EDC3: variants seen among roughly 807,000 people sequenced by gnomAD.
The protein encoded by EDC3 is enhancer of mRNA decapping 3.
EDC3 carries 20 observed loss-of-function variants against 41.8 expected under a neutral mutation model. The observed-to-expected ratio is 0.48, with a 90% confidence interval of 0.34 to 0.70. The LOEUF is 0.70. EDC3 is among the 30% of genes least tolerant of loss of function. EDC3 has a pLI of 0.01. For missense variants in EDC3, 444 were observed against 636.8 expected (o/e 0.70, Z 3.26); for synonymous variants, 206 against 243.2 (o/e 0.85, Z 1.42).
In EDC3 at chr15:74,677,501, C is replaced by T. The variant is rs575245909; in HGVS notation, c.-18-2359G>A. Among the ~76,000 whole-genome samples the T allele has an allele frequency of 3.3e-5, 5 of 151,762 alleles. No homozygotes were observed. The South Asian group carries it at 8.3e-4, about 25-fold the overall frequency. ...GCCTCAGCCTTCCAAGTAGTTGGGA[C>T]TACAGACACGTGCCACCACACCCAG... On this transcript the variant is annotated intron_variant, in intron 1 of 6. Coordinates refer to ENST00000315127, the MANE Select transcript of EDC3 (RefSeq NM_025083.5).
intron 2 of EDC3, among the ~76,000 whole-genome samples, chr15:74,673,697 G>A (rs983767779): frequency 4.6e-5 from 7 of 151,938 alleles, no homozygotes; most frequent in Non-Finnish European, 8.8e-5. Context: ...AAAATTAGTC[G>A]GGCATGGTGG....
chr15:74,694,213 T>C (rs1312220674), intron 1 of EDC3, among the ~76,000 whole-genome samples: 2 of 152,182 alleles, frequency 1.3e-5, no homozygotes, highest in Admixed American at 6.5e-5. Context: ...TTAAACATTT[T>C]CTAATGTTGT....
rs573725579 is a variant in EDC3, at chr15:74,646,032, G to A, written c.821-5413C>T. 1.3e-4 allele frequency among the ~76,000 whole-genome samples: 19 copies of A among 151,172 alleles called. 1 individual carries two copies. The South Asian group carries it at 3.3e-3, about 27-fold the overall frequency. On this transcript the variant is annotated intron_variant, in intron 4 of 6. Coordinates refer to ENST00000315127, the MANE Select transcript of EDC3 (RefSeq NM_025083.5). Reference sequence around the variant, plus strand: ...TAAAACGAGTAGAAATACAGAGACCGTTCCCAGTCTTTTTGTTGTTGTTGT... The same window carrying A: ...TAAAACGAGTAGAAATACAGAGACCATTCCCAGTCTTTTTGTTGTTGTTGT...
rs200844071 is a variant in EDC3 at position 74,668,729 on chromosome 15, T to A, written c.484+2726A>T. Among the ~76,000 whole-genome samples, 93 of 140,350 alleles carry A rather than the reference T, an allele frequency of 6.6e-4. 1 individual carries two copies. The highest frequency in any genetic ancestry group is 1.8e-3 in the African/African-American group (65 of 36,142). The allele number at this position is 140,350 out of a possible 152,430, so 92.1% of individuals were successfully genotyped here. ...AGCAAGACCCTGTCTCAAAAATGAA[T>A]GAAAGAAAGAAAGAAAGAAAGAAAG... is the stretch of plus-strand genomic sequence containing the variant. On this transcript the variant is annotated intron_variant, in intron 3 of 6. Coordinates refer to ENST00000315127, the MANE Select transcript of EDC3 (RefSeq NM_025083.5).
chr15:74,659,677 C>G (rs576510505), intron 3 of EDC3, among the ~76,000 whole-genome samples: 2 of 151,082 alleles, frequency 1.3e-5, no homozygotes, highest in South Asian at 4.2e-4. Flanking sequence ...TTGAGACCAG[C>G]TTGGGCAACA....
Position 74,630,847 on chromosome 15 carries a change from T to C in EDC3, c.*1765A>G, listed in dbSNP as rs2062194562. 6.6e-6 allele frequency: 1 copy of C among 152,406 alleles called. No individual in the cohort carries two copies. 9.4% of individuals were successfully genotyped at this position (152,406 alleles called of 1,614,324 possible). On this transcript the variant is annotated 3_prime_UTR_variant, in exon 7 of 7. Coordinates refer to ENST00000315127, the MANE Select transcript of EDC3 (RefSeq NM_025083.5). ...CCTGCAAGGCTATCATCCCTGGATC[T>C]TGCTGGAGTGGACAGTCTTCTGGGC...
intron 6 of EDC3, 178 bp downstream of exon 6, chr15:74,635,231 A>G: frequency 1.4e-6 from 1 of 711,738 alleles, no homozygotes; most frequent in Non-Finnish European, 2.5e-6. Flanking sequence ...GTAGTTGGAG[A>G]GGGAGAAGCA....
At chr15:74,687,715 A>G (rs770910828) in intron 1 of EDC3, among the ~76,000 whole-genome samples, 16 of 152,182 alleles carry the variant, frequency 1.1e-4, no homozygotes, top group African/African-American at 3.1e-4. Flanking sequence ...AACAATAATG[A>G]TGATGGTAAA....
At chr15:74,693,711 C>T (rs1260424308) in intron 1 of EDC3, among the ~76,000 whole-genome samples, 5 of 152,112 alleles carry the variant, frequency 3.3e-5, no homozygotes, top group South Asian at 2.1e-4. Context: ...AGACCAGGCG[C>T]GGTGGCTCAC....
At chr15:74,650,082 G>T (rs1267705583) in intron 4 of EDC3, among the ~76,000 whole-genome samples, 1 of 152,018 alleles carries the variant, frequency 6.6e-6, no homozygotes, top group African/African-American at 2.4e-5. Context: ...TAAATCCCTA[G>T]TATGTAAACT....
chr15:74,676,775 AC>A (rs1377882537), intron 1 of EDC3, among the ~76,000 whole-genome samples: 3 of 152,238 alleles, frequency 2.0e-5, no homozygotes, highest in African/African-American at 7.2e-5. Context: ...TTAAAACTCA[AC>A]AATAAGAAAA....
intron 3 of EDC3, among the ~76,000 whole-genome samples, chr15:74,661,375 T>C (rs1488843914): frequency 1.3e-5 from 2 of 152,190 alleles, no homozygotes; most frequent in Non-Finnish European, 2.9e-5. Flanking sequence ...CTGCAAACTA[T>C]AGCTCATGGG....
chr15:74,676,179 G>T (rs775770431), intron 1 of EDC3, among the ~76,000 whole-genome samples: 1 of 152,038 alleles, frequency 6.6e-6, no homozygotes, highest in Non-Finnish European at 1.5e-5. Context: ...AATCAAAAGG[G>T]CAGTCAGAAA....
At chr15:74,666,482 T>G (rs1446449189) in intron 3 of EDC3, among the ~76,000 whole-genome samples, 1 of 152,162 alleles carries the variant, frequency 6.6e-6, no homozygotes, top group Non-Finnish European at 1.5e-5. Context: ...CAAATTGATA[T>G]ATCCACACAA....
At chr15:74,657,473 C>A (rs1463583857) in intron 3 of EDC3, among the ~76,000 whole-genome samples, 1 of 152,236 alleles carries the variant, frequency 6.6e-6, no homozygotes, top group African/African-American at 2.4e-5. Context: ...CTCGCACACT[C>A]CCTTCTGCAA....
At chr15:74,666,086 C>A (rs990756286) in intron 3 of EDC3, among the ~76,000 whole-genome samples, 3 of 152,134 alleles carry the variant, frequency 2.0e-5, no homozygotes, top group African/African-American at 7.2e-5. Context: ...GCATAAGCCA[C>A]CACACCCGGC....
intron 1 of EDC3, among the ~76,000 whole-genome samples, chr15:74,686,557 G>A (rs1315793455): frequency 6.6e-6 from 1 of 151,994 alleles, no homozygotes; most frequent in African/African-American, 2.4e-5. Context: ...GGCCGAGGCA[G>A]GTGGATCACC....
intron 3 of EDC3, among the ~76,000 whole-genome samples, chr15:74,670,618 C>T (rs1210126537): frequency 2.0e-5 from 3 of 151,940 alleles, no homozygotes; most frequent in Non-Finnish European, 4.4e-5. Context: ...TTAGCAGAGA[C>T]GAGGTTTCAA....
chr15:74,691,762 T>A (rs1261825411), intron 1 of EDC3, among the ~76,000 whole-genome samples: 1 of 152,110 alleles, frequency 6.6e-6, no homozygotes, highest in African/African-American at 2.4e-5. Context: ...CCAATAAAGT[T>A]TTATTGGAAC....
Sources: allele counts gnomAD v4.1 joint callset (sites outside exome capture counted in the v4.1 genomes callset), GRCh38; gene constraint gnomAD v4.1.1; transcripts MANE v1.5; gene names NCBI Gene and HGNC (gene_info 2026-07-23, HGNC 2026-07-21).